The following MAD1L1 variants were observed in gnomAD, a reference collection of about 807,000 sequenced individuals.
MAD1L1 encodes the protein mitotic arrest deficient 1 like 1.
In MAD1L1, 95 loss-of-function variants were observed where a neutral mutation model predicts 96.9. The ratio of observed to expected loss-of-function variants is 0.98; its 90% confidence interval spans 0.83 to 1.16. The LOEUF is 1.16. Ranked by LOEUF, MAD1L1 falls within the 50% of genes most tolerant of loss-of-function variation. The probability of loss-of-function intolerance (pLI) is 0.00; values close to 1 mark genes in which losing one functional copy is unlikely to be tolerated. For missense variants in MAD1L1, 1,007 were observed against 954.4 expected (o/e 1.06, Z -0.73); for synonymous variants, 473 against 396.6 (o/e 1.19, Z -2.29).
intron 12 of MAD1L1, among the ~76,000 whole-genome samples, chr7:2,017,648 T>C (rs1295170384): frequency 6.6e-6 from 1 of 151,992 alleles, no homozygotes; most frequent in Non-Finnish European, 1.5e-5. Flanking sequence ...CAGCGTTGAG[T>C]AGGCGCCCAG....
chr7:2,220,985 A>G (rs770309129), intron 5 of MAD1L1: 14 of 1,612,378 alleles, frequency 8.7e-6, no homozygotes, highest in Middle Eastern at 1.6e-4. Flanking sequence ...AGAGGCGCAT[A>G]AGATAATTCC....
At chr7:1,870,814 G>A (rs79311676) in intron 18 of MAD1L1, among the ~76,000 whole-genome samples, 43,441 of 68,976 alleles carry the variant, frequency 0.63, 15,970 homozygotes, top group African/African-American at 0.8. Flanking sequence ...TGCCTGCCAC[G>A]CTGAACCGAC....
At chr7:2,034,884 C>T (rs1454252487) in intron 12 of MAD1L1, among the ~76,000 whole-genome samples, 1 of 152,254 alleles carries the variant, frequency 6.6e-6, no homozygotes, top group Non-Finnish European at 1.5e-5. Flanking sequence ...AGTCCCCAAG[C>T]TTTGCACATG....
At chr7:1,977,432 C>T (rs1780697715) in intron 15 of MAD1L1, among the ~76,000 whole-genome samples, 1 of 152,240 alleles carries the variant, frequency 6.6e-6, no homozygotes, top group Non-Finnish European at 1.5e-5. Context: ...CAAGCCCACG[C>T]CCACCCAGAA....
At chr7:2,171,488 G>C (rs1639900) in intron 10 of MAD1L1, among the ~76,000 whole-genome samples, 10 of 136,342 alleles carry the variant, frequency 7.3e-5, no homozygotes, top group African/African-American at 2.4e-4. Flanking sequence ...AGCAGAGAAG[G>C]ACAGCAGCCG....
At chr7:1,971,147 G>A (rs763296962) in intron 15 of MAD1L1, among the ~76,000 whole-genome samples, 9 of 152,088 alleles carry the variant, frequency 5.9e-5, no homozygotes, top group East Asian at 1.9e-4. Context: ...GTTAGAACTC[G>A]ATCAACGTGG....
intron 12 of MAD1L1, among the ~76,000 whole-genome samples, chr7:2,051,703 C>T (rs1013849601): frequency 7.1e-6 from 1 of 140,940 alleles, no homozygotes; most frequent in Non-Finnish European, 1.5e-5. Flanking sequence ...CTCCCCCAAC[C>T]CCCCACCAGC....
chr7:1,950,201 T>C (rs1562554667), intron 16 of MAD1L1, among the ~76,000 whole-genome samples: 1 of 152,216 alleles, frequency 6.6e-6, no homozygotes, highest in Non-Finnish European at 1.5e-5. Context: ...GCCACAACTG[T>C]GTGACTCTGG....
chr7:2,045,685 C>T lies in MAD1L1; in HGVS notation c.1218+23509G>A, dbSNP rs150197408. 3.4e-3 allele frequency among the ~76,000 whole-genome samples: 492 copies of T among 143,982 alleles called. 5 individuals are homozygous for T. The highest frequency in any genetic ancestry group is 0.012 in the African/African-American group (460 of 38,528). The allele number at this position is 143,982 out of a possible 152,430, so 94.5% of individuals were successfully genotyped here. A position where few individuals can be genotyped will look rare whatever the true frequency, so the allele number is the denominator to read the frequency against. ...CAGTCGCTTAGTGGGATTTGGAGGC[C>T]GTGGAGCAAAGTGAAAAGTCTAACA... On this transcript the variant is annotated intron_variant, in intron 12 of 18. Transcript: ENST00000265854.
chr7:2,231,422 C>T (rs1044842205), intron 1 of MAD1L1, among the ~76,000 whole-genome samples: 2 of 151,964 alleles, frequency 1.3e-5, no homozygotes, highest in Non-Finnish European at 2.9e-5. Context: ...GAGTTCGAGA[C>T]CAGCCTGGCC....
chr7:1,907,797 G>A (rs1354458657), intron 17 of MAD1L1, among the ~76,000 whole-genome samples: 2 of 152,246 alleles, frequency 1.3e-5, no homozygotes, highest in East Asian at 1.9e-4. Flanking sequence ...GGCTGTCTAC[G>A]GACATCACGG....
chr7:1,964,569 T>A (rs900623708), intron 15 of MAD1L1, among the ~76,000 whole-genome samples: 1 of 152,206 alleles, frequency 6.6e-6, no homozygotes, highest in Non-Finnish European at 1.5e-5. Flanking sequence ...CTGGTTTGCC[T>A]TCAAATGGCT....
chr7:1,950,226 C>T (rs796713546), intron 16 of MAD1L1, among the ~76,000 whole-genome samples: 2 of 152,360 alleles, frequency 1.3e-5, no homozygotes, highest in African/African-American at 4.8e-5. Flanking sequence ...GTCCCCAGCA[C>T]CCTGACCTCA....
At chr7:1,864,671 TC>T (rs1784693658) in intron 18 of MAD1L1, among the ~76,000 whole-genome samples, 1 of 152,146 alleles carries the variant, frequency 6.6e-6, no homozygotes, top group Non-Finnish European at 1.5e-5. Flanking sequence ...GGACCCCTGA[TC>T]CTCGATACTG....
At chr7:2,043,249 GA>G (rs1343456630) in intron 12 of MAD1L1, among the ~76,000 whole-genome samples, 6 of 152,164 alleles carry the variant, frequency 3.9e-5, no homozygotes, top group Admixed American at 2.0e-4. Context: ...TGTCCCATCG[GA>G]GGGGCACAGG....
chr7:2,141,642 T>G (rs574280012), intron 11 of MAD1L1, among the ~76,000 whole-genome samples: 5 of 152,038 alleles, frequency 3.3e-5, no homozygotes, highest in Admixed American at 2.6e-4. Flanking sequence ...TCTCTCTCCC[T>G]CTAATTGGCC....
chr7:2,024,628 G>A (rs186683833), intron 12 of MAD1L1, among the ~76,000 whole-genome samples: 3 of 152,262 alleles, frequency 2.0e-5, no homozygotes, highest in South Asian at 2.1e-4. Flanking sequence ...CCTAATAAAC[G>A]CTTCAAATGA....
intron 11 of MAD1L1, among the ~76,000 whole-genome samples, chr7:2,096,229 T>A (rs1453654143): frequency 2.0e-5 from 3 of 152,096 alleles, no homozygotes; most frequent in African/African-American, 4.8e-5. Context: ...AGCCACAAGG[T>A]CGTCCTCGTC....
At chr7:2,152,676 C>T (rs1473661002) in intron 10 of MAD1L1, among the ~76,000 whole-genome samples, 1 of 152,226 alleles carries the variant, frequency 6.6e-6, no homozygotes, top group African/African-American at 2.4e-5. Context: ...CCTCCAGGCT[C>T]AACTCCCTAC....
Sources: gnomAD v4.1 joint callset for allele counts (sites outside exome capture counted in the v4.1 genomes callset) on GRCh38, gnomAD v4.1.1 for gene constraint, MANE v1.5 for transcripts, NCBI Gene and HGNC (gene_info 2026-07-23, HGNC 2026-07-21) for gene names.